Variants in TSPAN11 observed in about 807,000 individuals in gnomAD.
TSPAN11 encodes the protein tetraspanin-11.
In TSPAN11, 29 loss-of-function variants were observed where a neutral mutation model predicts 32.9. That is an observed-to-expected ratio of 0.88 (90% CI 0.66 to 1.20). The LOEUF is 1.20. Among genes scored for constraint, TSPAN11 ranks in the 50% most tolerant of loss-of-function variants. TSPAN11 has a pLI of 0.00. For missense variants in TSPAN11, 283 were observed against 329.1 expected (o/e 0.86, Z 1.08); for synonymous variants, 140 against 141.3 (o/e 0.99, Z 0.07).
intron 2 of TSPAN11, among the ~76,000 whole-genome samples, chr12:30,958,501 C>T (rs960680250): frequency 5.3e-5 from 8 of 152,042 alleles, no homozygotes; most frequent in Admixed American, 1.3e-4. Flanking sequence ...ACTGGGGTGC[C>T]GTCCACCCTG....
Position 30,990,139 on chromosome 12 carries a change from TGTGTGTGTGTGTGCAA to T in TSPAN11, c.703-1701_703-1686del, listed in dbSNP as rs1248386486. On this transcript the variant is annotated intron_variant, in intron 7 of 7. Transcript: ENST00000546076. ...CACATGCTTCAGCGTGGTGTTCACG[TGTGTGTGTGTGTGCAA>T]GTGTGTGTGTGTGCATGTGGACGCA... 4.6e-5 allele frequency among the ~76,000 whole-genome samples: 7 copies of T among 151,472 alleles called. No individual in the cohort carries two copies. The South Asian group carries it at 8.4e-4, about 18-fold the overall frequency.
intron 1 of TSPAN11, among the ~76,000 whole-genome samples, chr12:30,938,050 G>A (rs1484925427): frequency 1.3e-5 from 2 of 152,190 alleles, no homozygotes; most frequent in Non-Finnish European, 2.9e-5. Context: ...GTTGGGGAAT[G>A]CAGTCACTTG....
chr12:30,962,258 A>G (rs1355120119), intron 2 of TSPAN11, among the ~76,000 whole-genome samples: 5 of 150,092 alleles, frequency 3.3e-5, no homozygotes, highest in Non-Finnish European at 7.4e-5. Flanking sequence ...GGAGGTGCCA[A>G]TGGAGATTAA....
At chr12:30,958,776 C>A (rs975196042) in intron 2 of TSPAN11, among the ~76,000 whole-genome samples, 1 of 152,088 alleles carries the variant, frequency 6.6e-6, no homozygotes, top group Non-Finnish European at 1.5e-5. Context: ...GATCCTGGGG[C>A]AGGGGCAGGG....
the TSPAN11 span, among the ~76,000 whole-genome samples, chr12:31,008,277 C>T: frequency 5.7e-4 from 87 of 152,318 alleles, no homozygotes; most frequent in African/African-American, 1.9e-3. Flanking sequence ...TGGAACAATT[C>T]AGGTTCCTCT....
intron 1 of TSPAN11, among the ~76,000 whole-genome samples, chr12:30,934,632 ATTT>A (rs36120080): frequency 0.024 from 3,370 of 138,064 alleles, 124 homozygotes; most frequent in African/African-American, 0.086. Flanking sequence ...ATATTATGAG[ATTT>A]TTTTTTTTTT....
intron 3 of TSPAN11, among the ~76,000 whole-genome samples, chr12:30,966,382 A>G (rs954067908): frequency 3.9e-5 from 6 of 152,204 alleles, no homozygotes; most frequent in Non-Finnish European, 1.5e-5. Context: ...CACAGTCTGC[A>G]TGTAGGGATG....
downstream of TSPAN11, among the ~76,000 whole-genome samples, chr12:31,000,321 C>T (rs1020709555): frequency 2.0e-5 from 3 of 152,218 alleles, no homozygotes; most frequent in African/African-American, 7.2e-5. Context: ...TCCCTGACCA[C>T]CCCCTTCCCA....
At chr12:30,969,739 C>A (rs1938810954) in intron 3 of TSPAN11, among the ~76,000 whole-genome samples, 1 of 152,118 alleles carries the variant, frequency 6.6e-6, no homozygotes, top group African/African-American at 2.4e-5. Flanking sequence ...CTGCCTAATT[C>A]ATCAACATCA....
chr12:30,966,142 G>T (rs1425534714), intron 3 of TSPAN11, among the ~76,000 whole-genome samples: 4 of 152,026 alleles, frequency 2.6e-5, no homozygotes, highest in Admixed American at 1.3e-4. Context: ...GGAGGTGGGG[G>T]TCACACGGGC....
chr12:30,927,658 G>A (rs981218294), intron 1 of TSPAN11, among the ~76,000 whole-genome samples: 2 of 152,170 alleles, frequency 1.3e-5, no homozygotes, highest in Admixed American at 1.3e-4. Context: ...TAGGGTGTGT[G>A]TGGGGGAGCG....
intron 1 of TSPAN11, among the ~76,000 whole-genome samples, chr12:30,935,332 G>A (rs566888926): frequency 1.3e-5 from 2 of 151,730 alleles, no homozygotes; most frequent in Non-Finnish European, 2.9e-5. Flanking sequence ...ATTAAGCTGG[G>A]CTTCAAGGGA....
rs1450378362 is a variant in TSPAN11, at chr12:30,975,169, G to C, written c.277-3392G>C. On this transcript the variant is annotated intron_variant, in intron 3 of 7. Coordinates refer to ENST00000546076, the MANE Select transcript of TSPAN11 (RefSeq NM_001370302.1). The surrounding 1 kb of genome is among the most constrained non-coding windows in gnomAD (Gnocchi z 4.5). ...GCAGGGGCCCTGAGATGATCGCGCC[G>C]GACCCAGGGAGTCAGGAAAGGCTGG... Among the ~76,000 whole-genome samples, 1 of 152,152 alleles carries C rather than the reference G, an allele frequency of 6.6e-6. No homozygotes were observed. Among genetic ancestry groups the C allele is most frequent in the Non-Finnish European group, 1.5e-5 (1 of 68,014 alleles).
chr12:30,982,597 G>A lies in TSPAN11; in HGVS notation c.522G>A (p.Glu174=). 6.2e-7 allele frequency: 1 copy of A among 1,613,010 alleles called. No individual in the cohort carries two copies. Among genetic ancestry groups the A allele is most frequent in the Non-Finnish European group, 8.5e-7 (1 of 1,179,836 alleles). The change falls in exon 6 of 8, where the codon GAG becomes GAA. Residue 174 remains glutamate (E), a synonymous_variant. Transcript: ENST00000546076. ...ACAGCACGTACATCCTGTTGCGGGAGGCCGAGGGCCGCCAGGTGCCCGACA... is the reference window on the plus strand; with the variant it reads ...ACAGCACGTACATCCTGTTGCGGGAAGCCGAGGGCCGCCAGGTGCCCGACA... ...WQHSTYILLR[E]AEGRQVPDSC...
chr12:30,976,943 G>T (rs931048426), intron 3 of TSPAN11, among the ~76,000 whole-genome samples: 4 of 152,210 alleles, frequency 2.6e-5, no homozygotes, highest in Non-Finnish European at 4.4e-5. Context: ...AAAGGAAGGG[G>T]CAGGGACCTT....
At chr12:30,963,216 G>T (rs911410241) in intron 2 of TSPAN11, among the ~76,000 whole-genome samples, 1 of 152,152 alleles carries the variant, frequency 6.6e-6, no homozygotes, top group Non-Finnish European at 1.5e-5. Flanking sequence ...GCAGGCCCTG[G>T]GCTCTGAGTT....
At chr12:30,948,208 G>C (rs564805831) in intron 1 of TSPAN11, among the ~76,000 whole-genome samples, 2 of 152,328 alleles carry the variant, frequency 1.3e-5, no homozygotes, top group Non-Finnish European at 2.9e-5. Context: ...GGCATCGAGT[G>C]TCTGCAGCTT....
rs752202035 is a variant in TSPAN11, at chr12:30,954,063, C to T, written c.72C>T (p.Asn24=). ...IYLKYLLFVF[N]FFFWVGGAAV... ...TGAAGTATTTACTCTTTGTCTTCAA[C>T]TTCTTCTTCTGGGTGAGTGAATTCT... Residue 24 remains asparagine, a synonymous_variant, in exon 2 of 8, where the codon AAC becomes AAT. Coordinates refer to ENST00000546076, the MANE Select transcript of TSPAN11 (RefSeq NM_001370302.1). The T allele has an allele frequency of 1.8e-5, 29 of 1,612,734 alleles. No individual in the cohort carries two copies. In the South Asian group the frequency reaches 2.7e-4, roughly 15 times the overall value.
chr12:30,965,117 G>A (rs1323311642), intron 3 of TSPAN11, among the ~76,000 whole-genome samples: 3 of 152,230 alleles, frequency 2.0e-5, no homozygotes, highest in Non-Finnish European at 4.4e-5. Context: ...ATAAAACCAG[G>A]CATGTAGCGC....
Sources: allele counts gnomAD v4.1 joint callset (sites outside exome capture counted in the v4.1 genomes callset), GRCh38; gene constraint gnomAD v4.1.1; non-coding constraint Gnocchi (gnomAD v3.1); transcripts MANE v1.5; gene names NCBI Gene and HGNC (gene_info 2026-07-23, HGNC 2026-07-21).